The following PPP2R2D variants were observed in gnomAD, a reference collection of about 807,000 sequenced individuals.
PPP2R2D encodes protein phosphatase 2 regulatory subunit Bdelta.
A neutral mutation model predicts 31.1 loss-of-function variants in PPP2R2D; 9 were observed. The ratio of observed to expected loss-of-function variants is 0.29; its 90% CI spans 0.17 to 0.51. PPP2R2D has a LOEUF of 0.51. PPP2R2D is among the 20% of genes least tolerant of loss of function. The pLI is 0.98. For missense variants in PPP2R2D, 391 were observed against 465.6 expected (o/e 0.84, Z 1.48); for synonymous variants, 179 against 172.6 (o/e 1.04, Z -0.29).
intron 2 of PPP2R2D, among the ~76,000 whole-genome samples, chr10:131,903,049 C>G (rs2035527048): frequency 6.6e-6 from 1 of 151,716 alleles, no homozygotes; most frequent in East Asian, 1.9e-4. Flanking sequence ...ACCGCACCTG[C>G]CTGGTTTCTT....
intron 1 of PPP2R2D, 24 bp from the exon 2 acceptor site, chr10:131,901,214 C>G: frequency 2.9e-6 from 1 of 345,022 alleles, no homozygotes; most frequent in East Asian, 4.3e-5. Flanking sequence ...CGCGGCCGGC[C>G]TGACCGCCCC....
intron 2 of PPP2R2D, among the ~76,000 whole-genome samples, chr10:131,924,803 T>C (rs1359075254): frequency 4.0e-5 from 6 of 151,052 alleles, no homozygotes; most frequent in African/African-American, 1.5e-4. Flanking sequence ...CAGGATAACT[T>C]TCTGTATATT....
chr10:131,926,803 G>C (rs978439036), intron 2 of PPP2R2D, among the ~76,000 whole-genome samples: 11 of 152,380 alleles, frequency 7.2e-5, no homozygotes, highest in Admixed American at 4.6e-4. Context: ...CCGCAGAGCA[G>C]GAAACAAATG....
intron 8 of PPP2R2D, among the ~76,000 whole-genome samples, chr10:131,948,693 A>G (rs1554898397): frequency 6.6e-6 from 1 of 152,188 alleles, no homozygotes; most frequent in African/African-American, 2.4e-5. Context: ...CATAGCAGGA[A>G]CCACTGCCCC....
At chr10:131,928,398 G>T (rs2036146127) in intron 2 of PPP2R2D, among the ~76,000 whole-genome samples, 1 of 152,230 alleles carries the variant, frequency 6.6e-6, no homozygotes, top group South Asian at 2.1e-4. Flanking sequence ...GGACCTGCGG[G>T]AAACTTTCAC....
At position 131,945,239 on chromosome 10, in the gene PPP2R2D, T is replaced by C. The variant is rs1554897791; in HGVS notation, c.656-56T>C. On this transcript the variant is annotated intron_variant, in intron 6 of 8. Coordinates refer to ENST00000455566, the MANE Select transcript of PPP2R2D (RefSeq NM_018461.5). This position sits in a 1 kb window ranked among gnomAD's most constrained non-coding sequence, Gnocchi z 4.8. ...GCGTCCTATTTCGCGTGACTGAATG[T>C]AGACTAATTAACAACCAGCTGAGCT... is the stretch of plus-strand genomic sequence containing the variant. 2.6e-6 allele frequency: 4 copies of C among 1,565,370 alleles called. No homozygotes were observed. The highest frequency in any genetic ancestry group is 3.5e-6 in the Non-Finnish European group (4 of 1,150,022).
intron 2 of PPP2R2D, among the ~76,000 whole-genome samples, chr10:131,904,593 TTTTG>T (rs1293244411): frequency 6.6e-6 from 1 of 152,118 alleles, no homozygotes; most frequent in East Asian, 1.9e-4. Flanking sequence ...GTATAGCAGA[TTTTG>T]TTTGTTTAGA....
chr10:131,971,061 C>A, the PPP2R2D span: 1 of 1,193,574 alleles, frequency 8.4e-7, no homozygotes, highest in Non-Finnish European at 1.2e-6. Flanking sequence ...GATCCGCAGG[C>A]TCAATTCAAG....
chr10:131,934,195 A>C (rs2036296412), intron 2 of PPP2R2D, among the ~76,000 whole-genome samples: 1 of 152,068 alleles, frequency 6.6e-6, no homozygotes, highest in Non-Finnish European at 1.5e-5. Flanking sequence ...AAGACAACCT[A>C]GTCTAGATAA....
rs948954590 is a variant in PPP2R2D at position 131,956,009 on chromosome 10, G to A, written c.*46G>A. 7.2e-7 allele frequency: 1 copy of A among 1,382,924 alleles called. No individual in the cohort carries two copies. Among genetic ancestry groups the A allele is most frequent in the South Asian group, 2.0e-5 (1 of 49,418 alleles). 85.7% of individuals were successfully genotyped at this position (1,382,924 alleles called of 1,614,324 possible). On this transcript the variant is annotated 3_prime_UTR_variant, in exon 9 of 9. Transcript: ENST00000455566. ...AGTCTTGTCTTGCATAGTTAAGCCG[G>A]ACATTTTTCTGTCAGAGAAAAGGCA...
At chr10:131,903,295 C>T (rs985846228) in intron 2 of PPP2R2D, among the ~76,000 whole-genome samples, 21 of 151,806 alleles carry the variant, frequency 1.4e-4, no homozygotes, top group Non-Finnish European at 2.2e-4. Flanking sequence ...AGTGAAACCC[C>T]GTCTCTGCTA....
At chr10:131,901,388 G>A in intron 2 of PPP2R2D, 58 bp downstream of exon 2, 1 of 347,686 alleles carries the variant, frequency 2.9e-6, no homozygotes, top group East Asian at 4.3e-5. Context: ...CAGCCCGGCC[G>A]CGCGCGGCCT....
Position 131,956,152 on chromosome 10 carries a change from G to A in PPP2R2D, c.*189G>A, listed in dbSNP as rs1318955730. 8.0e-7 allele frequency: 1 copy of A among 1,243,370 alleles called. No individual in the cohort carries two copies. The highest frequency in any genetic ancestry group is 1.0e-6 in the Non-Finnish European group (1 of 995,216). 77.0% of individuals were successfully genotyped at this position (1,243,370 alleles called of 1,614,324 possible). On this transcript the variant is annotated 3_prime_UTR_variant, in exon 9 of 9. Transcript: ENST00000455566. Reference sequence around the variant, plus strand: ...TCCGCCTCGGCGAGGCGCGAGACAGGCGCTGCTGCTCACGTGGAGACGCTC... The same window carrying A: ...TCCGCCTCGGCGAGGCGCGAGACAGACGCTGCTGCTCACGTGGAGACGCTC...
rs370599377 is a variant in PPP2R2D, at chr10:131,955,708, C to T, written c.1107C>T (p.Asn369=). 4 of 1,472,962 alleles carry T rather than the reference C, an allele frequency of 2.7e-6. No homozygotes were observed. In the African/African-American group the frequency reaches 5.7e-5, roughly 21 times the overall value. The allele number at this position is 1,472,962 out of a possible 1,614,324, so 91.2% of individuals were successfully genotyped here. A position where few individuals can be genotyped will look rare whatever the true frequency, so the allele number is the denominator to read the frequency against. Residue 369 remains asparagine, a synonymous_variant, in exon 9 of 9, where the codon AAC becomes AAT. Transcript: ENST00000455566. Reference sequence around the variant, plus strand: ...GCGCCATCATGACCGGGTCCTATAACAACTTCTTCAGGATGTTTGATAGAG... The same window carrying T: ...GCGCCATCATGACCGGGTCCTATAATAACTTCTTCAGGATGTTTGATAGAG... The part of the protein sequence containing the change: ...SDSAIMTGSY[N]NFFRMFDRDT...
At chr10:131,919,652 A>T (rs536045063) in intron 2 of PPP2R2D, among the ~76,000 whole-genome samples, 1 of 123,906 alleles carries the variant, frequency 8.1e-6, no homozygotes, top group Admixed American at 8.4e-5. Context: ...GGCGGGTAGG[A>T]TGACACAGTG....
the PPP2R2D span, chr10:131,971,158 C>T: frequency 1.2e-5 from 7 of 598,184 alleles, no homozygotes; most frequent in Admixed American, 8.8e-5. Context: ...GCCGCACTCC[C>T]GGCTCACAGC....
intron 2 of PPP2R2D, among the ~76,000 whole-genome samples, chr10:131,918,266 T>G (rs1589930505): frequency 8.5e-6 from 1 of 117,176 alleles, no homozygotes; most frequent in African/African-American, 3.4e-5. Flanking sequence ...GACACAGTGT[T>G]TGTAGGGACC....
At position 131,917,536 on chromosome 10, in the gene PPP2R2D, C is replaced by T. The variant is rs1426705766; in HGVS notation, c.100+16206C>T. ...ACACAGTGTTTGTAGGGACCTCAGG[C>T]GGGTGGAATGACACAGTGTTTGTAG... On this transcript the variant is annotated intron_variant, in intron 2 of 8. Transcript: ENST00000455566. Among the ~76,000 whole-genome samples the T allele has an allele frequency of 3.9e-4, 46 of 117,452 alleles. 1 individual carries two copies. The highest frequency in any genetic ancestry group is 1.1e-3 in the African/African-American group (33 of 29,824). The allele number at this position is 117,452 out of a possible 152,430, so 77.1% of individuals were successfully genotyped here. A position where few individuals can be genotyped will look rare whatever the true frequency, so the allele number is the denominator to read the frequency against.
chr10:131,947,927 T>G lies in PPP2R2D; in HGVS notation c.1082+136T>G, dbSNP rs2036572277. On this transcript the variant is annotated intron_variant, in intron 8 of 8. Transcript: ENST00000455566. The surrounding 1 kb of genome is among the most constrained non-coding windows in gnomAD (Gnocchi z 4.3). ...GGTGTTGTTTTCCAGACCTTTTGAT[T>G]GATGGATGATAGTATCAAGGTAGAG... 9.5e-7 allele frequency: 1 copy of G among 1,056,890 alleles called. No individual in the cohort carries two copies. Among genetic ancestry groups the G allele is most frequent in the Non-Finnish European group, 1.4e-6 (1 of 731,588 alleles). The allele number at this position is 1,056,890 out of a possible 1,614,324, so 65.5% of individuals were successfully genotyped here. A position where few individuals can be genotyped will look rare whatever the true frequency, so the allele number is the denominator to read the frequency against.
Sources: allele counts gnomAD v4.1 joint callset (sites outside exome capture counted in the v4.1 genomes callset), GRCh38; gene constraint gnomAD v4.1.1; non-coding constraint Gnocchi (gnomAD v3.1); transcripts MANE v1.5; gene names NCBI Gene and HGNC (gene_info 2026-07-23, HGNC 2026-07-21).